The following TXNL4A variants were observed in gnomAD, a reference collection of about 807,000 sequenced individuals.
TXNL4A encodes thioredoxin-like protein 4A.
TXNL4A carries 17 observed loss-of-function variants against 14.6 expected under a neutral mutation model. The observed-to-expected ratio is 1.16, with a 90% CI of 0.80 to 1.74. TXNL4A has a LOEUF of 1.74. Among genes scored for constraint, TXNL4A ranks in the 40% most tolerant of loss-of-function variants. TXNL4A has a pLI of 0.00. For synonymous variants in TXNL4A, 83 were observed against 70.6 expected, an observed-to-expected ratio of 1.18 and a Z score of -0.88; for missense variants, 74 against 195.2, an observed-to-expected ratio of 0.38 and a Z score of 3.70.
chr18:79,988,765 C>T (rs1281087961), upstream of TXNL4A, among the ~76,000 whole-genome samples: 1 of 152,098 alleles, frequency 6.6e-6, no homozygotes, highest in Non-Finnish European at 1.5e-5. Context: ...TCCAGGCGGC[C>T]TGGTGGTCCT....
chr18:79,977,192 T>C (rs753775012), intron 2 of TXNL4A: 11 of 267,932 alleles, frequency 4.1e-5, no homozygotes, highest in Non-Finnish European at 7.2e-5. Flanking sequence ...CTCCTGACCT[T>C]GTGATCCACC....
chr18:79,992,565 G>A (rs906273134), upstream of TXNL4A, among the ~76,000 whole-genome samples: 1 of 152,098 alleles, frequency 6.6e-6, no homozygotes, highest in East Asian at 1.9e-4. Context: ...TGGGAACTGG[G>A]TCAGGCAAAC....
At chr18:80,027,589 G>A (rs1008555806) in intron 1 of TXNL4A, among the ~76,000 whole-genome samples, 2 of 152,200 alleles carry the variant, frequency 1.3e-5, no homozygotes, top group African/African-American at 4.8e-5. Context: ...TATACACAAA[G>A]TCCCACTTAC....
In TXNL4A at chr18:79,973,535, A is replaced by T; in HGVS notation, c.*150T>A. The T allele has an allele frequency of 1.0e-6, 1 of 963,004 alleles. No homozygotes were observed. Among genetic ancestry groups the T allele is most frequent in the Non-Finnish European group, 1.5e-6 (1 of 684,638 alleles). The allele number at this position is 963,004 out of a possible 1,614,324, so 59.7% of individuals were successfully genotyped here. A position where few individuals can be genotyped will look rare whatever the true frequency, so the allele number is the denominator to read the frequency against. On this transcript the variant is annotated 3_prime_UTR_variant, in exon 3 of 3. Coordinates refer to ENST00000269601, the MANE Select transcript of TXNL4A (RefSeq NM_006701.5). ...TGCTCCTCTCACCACGTGCTTGTTT[A>T]TTTCGGTGAGTTAAGACCATGTTAT...
chr18:80,016,252 C>G (rs1435381239), intron 1 of TXNL4A, among the ~76,000 whole-genome samples: 2 of 152,112 alleles, frequency 1.3e-5, no homozygotes, highest in African/African-American at 2.4e-5. Context: ...ATTGTAGATT[C>G]TGGATATTAG....
chr18:80,001,403 C>T (rs2051697577), intron 1 of TXNL4A, among the ~76,000 whole-genome samples: 1 of 152,160 alleles, frequency 6.6e-6, no homozygotes, highest in South Asian at 2.1e-4. Context: ...ACAGAGTCCT[C>T]ACTAGGGCAC....
At chr18:80,015,187 T>C (rs1246086465) in intron 1 of TXNL4A, among the ~76,000 whole-genome samples, 2 of 141,062 alleles carry the variant, frequency 1.4e-5, no homozygotes, top group African/African-American at 5.0e-5. Context: ...CCCATTGTCT[T>C]GGGGACTAAC....
intron 2 of TXNL4A, among the ~76,000 whole-genome samples, chr18:79,974,849 C>G (rs965674268): frequency 6.6e-6 from 1 of 152,186 alleles, no homozygotes; most frequent in Non-Finnish European, 1.5e-5. Flanking sequence ...AGTCCCACCC[C>G]GGCCTGCAGA....
intron 1 of TXNL4A, among the ~76,000 whole-genome samples, chr18:80,010,737 G>T (rs928638052): frequency 6.6e-6 from 1 of 152,216 alleles, no homozygotes; most frequent in African/African-American, 2.4e-5. Flanking sequence ...CCACGGGCAT[G>T]TCTCCAGGCA....
chr18:80,024,566 C>T (rs1381462483), intron 1 of TXNL4A, among the ~76,000 whole-genome samples: 1 of 152,172 alleles, frequency 6.6e-6, no homozygotes, highest in African/African-American at 2.4e-5. Context: ...TGGAATCTTC[C>T]ATGCTGGAGA....
At chr18:80,014,470 A>C (rs1182544014) in intron 1 of TXNL4A, among the ~76,000 whole-genome samples, 1 of 152,202 alleles carries the variant, frequency 6.6e-6, no homozygotes, top group Non-Finnish European at 1.5e-5. Context: ...GGGCAGTCAA[A>C]TATTAAGGCT....
chr18:80,008,959 G>T (rs2145112973), intron 1 of TXNL4A, among the ~76,000 whole-genome samples: 1 of 151,692 alleles, frequency 6.6e-6, no homozygotes, highest in South Asian at 2.1e-4. Flanking sequence ...TGTATTTTCA[G>T]TAGAGACAAG....
chr18:80,016,966 T>C (rs1222578601), intron 1 of TXNL4A, among the ~76,000 whole-genome samples: 1 of 152,168 alleles, frequency 6.6e-6, no homozygotes. Flanking sequence ...ACGGCCATTT[T>C]CACGATATTG....
chr18:79,973,422 T>C lies in TXNL4A; in HGVS notation c.*263A>G. On this transcript the variant is annotated 3_prime_UTR_variant, in exon 3 of 3. Coordinates refer to ENST00000269601, the MANE Select transcript of TXNL4A (RefSeq NM_006701.5). ...CGCACAGGCTCACAGGATAAACACC[T>C]TCGTTTTACTCCAAGGGTAAGAATT... 2.4e-6 allele frequency: 1 copy of C among 413,244 alleles called. No homozygotes were observed. Among genetic ancestry groups the C allele is most frequent in the Admixed American group, 4.1e-5 (1 of 24,152 alleles). 25.6% of individuals were successfully genotyped at this position (413,244 alleles called of 1,614,324 possible). A position where few individuals can be genotyped will look rare whatever the true frequency, so the allele number is the denominator to read the frequency against.
intron 1 of TXNL4A, among the ~76,000 whole-genome samples, chr18:79,987,545 A>G (rs2145087201): frequency 6.6e-6 from 1 of 152,352 alleles, no homozygotes; most frequent in East Asian, 1.9e-4. Flanking sequence ...CAAAACCTCA[A>G]TAAAAGTCAT....
intron 1 of TXNL4A, among the ~76,000 whole-genome samples, chr18:79,983,996 A>C (rs11660677): frequency 6.6e-6 from 1 of 151,018 alleles, no homozygotes; most frequent in African/African-American, 2.4e-5. Flanking sequence ...CTCAACCGCC[A>C]CTCAACACCA....
intron 1 of TXNL4A, among the ~76,000 whole-genome samples, chr18:79,987,681 G>T (rs569458171): frequency 1.3e-5 from 2 of 152,238 alleles, no homozygotes; most frequent in Non-Finnish European, 2.9e-5. Context: ...GAAATTCAGA[G>T]AACTAATTCT....
At chr18:80,033,251 A>T (rs1212360831) in intron 1 of TXNL4A, among the ~76,000 whole-genome samples, 1 of 152,010 alleles carries the variant, frequency 6.6e-6, no homozygotes, top group Non-Finnish European at 1.5e-5. Context: ...ATGCACACAC[A>T]CGTACATATG....
chr18:79,990,980 C>T (rs1055079162), upstream of TXNL4A, among the ~76,000 whole-genome samples: 17 of 151,954 alleles, frequency 1.1e-4, no homozygotes, highest in Middle Eastern at 3.4e-3. Context: ...CGGTGGCGGG[C>T]GCCTGTAGTC....
Sources: gnomAD v4.1 joint callset for allele counts (sites outside exome capture counted in the v4.1 genomes callset) on GRCh38, gnomAD v4.1.1 for gene constraint, MANE v1.5 for transcripts, NCBI Gene and HGNC (gene_info 2026-07-23, HGNC 2026-07-21) for gene names.